Variants in NKAPD1 observed in about 807,000 individuals in gnomAD.
NKAPD1 encodes uncharacterized protein NKAPD1.
A neutral mutation model predicts 30.9 loss-of-function variants in NKAPD1; 12 were observed. The observed-to-expected ratio is 0.39, with a 90% confidence interval of 0.25 to 0.63. NKAPD1 has a LOEUF of 0.63. Ranked by LOEUF, NKAPD1 falls within the 20% of genes least tolerant of loss-of-function variation. NKAPD1 has a pLI of 0.51. For missense variants in NKAPD1, 311 were observed against 344.5 expected (o/e 0.90, Z 0.77); for synonymous variants, 91 against 113.6 (o/e 0.80, Z 1.26).
In NKAPD1 at chr11:112,076,326, G is replaced by T. The variant is rs552046469; in HGVS notation, c.69+683G>T. On this transcript the variant is annotated intron_variant, in intron 2 of 5. Coordinates refer to ENST00000393047, the MANE Select transcript of NKAPD1 (RefSeq NM_018195.4). ...AATTGCAGTATTACAGGTGAGAGAT[G>T]ATGAGGGTTCGCATGAAATTAGTGA... 4.6e-5 allele frequency among the ~76,000 whole-genome samples: 7 copies of T among 152,258 alleles called. No individual in the cohort carries two copies. In the East Asian group the frequency reaches 5.8e-4, roughly 13 times the overall value.
chr11:112,082,812 A>G lies in NKAPD1; in HGVS notation c.722A>G (p.Glu241Gly), dbSNP rs1455402493. 1.9e-6 allele frequency: 3 copies of G among 1,613,842 alleles called. No homozygotes were observed. The highest frequency in any genetic ancestry group is 2.2e-5 in the South Asian group (2 of 91,058). ...GATTCAGCATCCAGCAGTTCTGAGG[A>G]AAGTGAGGAAAGAGACACTAAGAAA... ...SDDSASSSSE[E>G]SEERDTKKTK... The change falls in exon 6 of 6, where the codon GAA (glutamate) becomes GGA (glycine). Residue 241 changes from glutamate (E) to glycine (G), a missense_variant. Transcript: ENST00000393047.
rs1865528068 is a variant in NKAPD1, at chr11:112,084,295, A to G, written c.*1323A>G. On this transcript the variant is annotated 3_prime_UTR_variant, in exon 6 of 6. Transcript: ENST00000393047. ...GTAGATACAACTATGATGACATTCCATGAGTTGGTATTTTTAGTTCTAACT... is the reference window on the plus strand; with the variant it reads ...GTAGATACAACTATGATGACATTCCGTGAGTTGGTATTTTTAGTTCTAACT... 1 of 152,620 alleles carries G rather than the reference A, an allele frequency of 6.6e-6. No homozygotes were observed. The highest frequency in any genetic ancestry group is 2.1e-4 in the South Asian group (1 of 4,828). The allele number at this position is 152,620 out of a possible 1,614,324, so 9.5% of individuals were successfully genotyped here.
chr11:112,075,657 C>G lies in NKAPD1; in HGVS notation c.69+14C>G. 6.2e-7 allele frequency: 1 copy of G among 1,606,174 alleles called. No homozygotes were observed. Among genetic ancestry groups the G allele is most frequent in the Non-Finnish European group, 8.5e-7 (1 of 1,177,450 alleles). ...GCTCACAATAAGGTGGGAGGTACAACCTAGTTACTCCTCAACGCTTACTGA... is the reference window on the plus strand; with the variant it reads ...GCTCACAATAAGGTGGGAGGTACAAGCTAGTTACTCCTCAACGCTTACTGA... On this transcript the variant is annotated intron_variant, in intron 2 of 5. Transcript: ENST00000393047.
At chr11:112,081,771 A>G (rs1865458706) in intron 4 of NKAPD1, 1 of 505,772 alleles carries the variant, frequency 2.0e-6, no homozygotes, top group South Asian at 2.4e-5. Flanking sequence ...TCTCTTACAA[A>G]TGGACAAAAT....
intron 4 of NKAPD1, 93 bp from the exon 5 acceptor site, chr11:112,081,889 G>A: frequency 1.1e-6 from 1 of 939,874 alleles, no homozygotes; most frequent in Non-Finnish European, 1.7e-6. Flanking sequence ...TTATGTTTGT[G>A]TATGCATGTA....
intron 2 of NKAPD1, among the ~76,000 whole-genome samples, chr11:112,075,992 T>C (rs1865323676): frequency 6.6e-6 from 1 of 152,218 alleles, no homozygotes; most frequent in Non-Finnish European, 1.5e-5. Context: ...GAAATATCAT[T>C]CTGGATAGAC....
At chr11:112,079,016 G>T (rs893167853) in intron 3 of NKAPD1, among the ~76,000 whole-genome samples, 4 of 152,130 alleles carry the variant, frequency 2.6e-5, no homozygotes, top group Admixed American at 6.6e-5. Context: ...TTACACGCTT[G>T]TAAGTGTAAG....
chr11:112,079,739 T>C (rs1287632397), intron 3 of NKAPD1, among the ~76,000 whole-genome samples: 1 of 152,180 alleles, frequency 6.6e-6, no homozygotes, highest in Non-Finnish European at 1.5e-5. Flanking sequence ...TCACATGACA[T>C]AGTCCAGAGT....
rs771563738 is a variant in NKAPD1, at chr11:112,080,630, A to G, written c.320+72A>G. The stretch of plus-strand genomic sequence containing the variant: ...GTACTTATCAAAATTAATTGTCCCC[A>G]CAAAAAACTTGTGTACAAAAGTTCA... On this transcript the variant is annotated intron_variant, in intron 4 of 5. Coordinates refer to ENST00000393047, the MANE Select transcript of NKAPD1 (RefSeq NM_018195.4). 15 of 1,533,774 alleles carry G rather than the reference A, an allele frequency of 9.8e-6. No homozygotes were observed. The Admixed American group carries it at 2.3e-4, about 23-fold the overall frequency.
At position 112,078,202 on chromosome 11, in the gene NKAPD1, T is replaced by A; in HGVS notation, c.70-13T>A. 6.4e-7 allele frequency: 1 copy of A among 1,559,902 alleles called. No individual in the cohort carries two copies. On this transcript the variant is annotated splice_polypyrimidine_tract_variant and intron_variant, in intron 2 of 5. Transcript: ENST00000393047. ...TTAGTAACTTATTTTTATTTCCTTT[T>A]TAAAAATTCTAGATTCAGGAGGAAT...
Position 112,074,574 on chromosome 11 carries a change from C to T in NKAPD1, c.-351C>T. ...GCCATCCAAAGCGTTCCCAGCCTTT[C>T]TGGGGAGTGAAACTTACCCCCGGGG... On this transcript the variant is annotated 5_prime_UTR_variant, in exon 1 of 6. Transcript: ENST00000393047. 2.5e-6 allele frequency: 1 copy of T among 398,750 alleles called. No homozygotes were observed. The allele number at this position is 398,750 out of a possible 1,614,324, so 24.7% of individuals were successfully genotyped here.
intron 4 of NKAPD1, 46 bp downstream of exon 4, chr11:112,080,604 T>G: frequency 6.4e-7 from 1 of 1,574,132 alleles, no homozygotes; most frequent in Non-Finnish European, 8.6e-7. Context: ...CCTGAGAACG[T>G]GTACTTATCA....
At chr11:112,075,186 A>G (rs1175322749) in intron 1 of NKAPD1, among the ~76,000 whole-genome samples, 1 of 152,244 alleles carries the variant, frequency 6.6e-6, no homozygotes, top group Admixed American at 6.5e-5. Context: ...AGACAGTGAC[A>G]TACATCATTT....
intron 3 of NKAPD1, 27 bp downstream of exon 3, chr11:112,078,342 A>G (rs1463251890): frequency 6.7e-7 from 1 of 1,486,944 alleles, no homozygotes; most frequent in Non-Finnish European, 9.3e-7. Flanking sequence ...GAGAACTAAA[A>G]TAATTCTCAT....
In NKAPD1 at chr11:112,074,316, C is replaced by T; in HGVS notation, c.-609C>T. The stretch of plus-strand genomic sequence containing the variant: ...GTCTCCTCCTTTTTCTCCCAAACCA[C>T]TTCTTCCCCCCTACCCCCCGCCACG... On this transcript the variant is annotated 5_prime_UTR_variant, in exon 1 of 6. Coordinates refer to ENST00000393047, the MANE Select transcript of NKAPD1 (RefSeq NM_018195.4). 2 of 399,318 alleles carry T rather than the reference C, an allele frequency of 5.0e-6. No homozygotes were observed. Among genetic ancestry groups the T allele is most frequent in the Non-Finnish European group, 8.8e-6 (2 of 226,322 alleles). 24.7% of individuals were successfully genotyped at this position (399,318 alleles called of 1,614,324 possible).
chr11:112,083,089 T>C lies in NKAPD1; in HGVS notation c.*117T>C. On this transcript the variant is annotated 3_prime_UTR_variant, in exon 6 of 6. Transcript: ENST00000393047. ...CTGAGGTCAGAGCTGTCTTGTGCCA[T>C]CTGTATGTTCTGACAGACGTCTTGT... The C allele has an allele frequency of 9.7e-7, 1 of 1,035,424 alleles. No individual in the cohort carries two copies. The highest frequency in any genetic ancestry group is 1.6e-5 in the African/African-American group (1 of 62,046). 64.1% of individuals were successfully genotyped at this position (1,035,424 alleles called of 1,614,324 possible). A position where few individuals can be genotyped will look rare whatever the true frequency, so the allele number is the denominator to read the frequency against.
In NKAPD1 at chr11:112,085,141, ACT is replaced by A. The variant is rs1258739610; in HGVS notation, c.*2172_*2173del. The A allele has an allele frequency of 3.9e-6, 2 of 507,476 alleles. No homozygotes were observed. Among genetic ancestry groups the A allele is most frequent in the African/African-American group, 3.8e-5 (2 of 52,198 alleles). The allele number at this position is 507,476 out of a possible 1,614,324, so 31.4% of individuals were successfully genotyped here. A position where few individuals can be genotyped will look rare whatever the true frequency, so the allele number is the denominator to read the frequency against. On this transcript the variant is annotated 3_prime_UTR_variant, in exon 6 of 6. Transcript: ENST00000393047. ...TCTGAATTCCAAATAAATAAATTTC[ACT>A]CTTTGAACATTTCATCTTTTACTTT...
At chr11:112,075,700 A>G (rs749825607) in intron 2 of NKAPD1, 57 bp downstream of exon 2, 1 of 1,565,380 alleles carries the variant, frequency 6.4e-7, no homozygotes, top group Non-Finnish European at 8.7e-7. Context: ...CAGTGTGCCA[A>G]GCATTATTTT....
In NKAPD1 at chr11:112,081,967, T is replaced by C. The variant is rs1196949472; in HGVS notation, c.321-15T>C. 2.5e-6 allele frequency: 4 copies of C among 1,608,556 alleles called. No homozygotes were observed. The highest frequency in any genetic ancestry group is 1.3e-5 in the African/African-American group (1 of 74,942). ...TGCATTGCTTTAACAATACATGTGA[T>C]GTGTCATATTACAGATGGGGTCACA... On this transcript the variant is annotated splice_polypyrimidine_tract_variant and intron_variant, in intron 4 of 5. Transcript: ENST00000393047.
Sources: allele counts gnomAD v4.1 joint callset (sites outside exome capture counted in the v4.1 genomes callset), GRCh38; gene constraint gnomAD v4.1.1; transcripts MANE v1.5; gene names NCBI Gene and HGNC (gene_info 2026-07-23, HGNC 2026-07-21).